Variants in CNTNAP2 observed in about 807,000 individuals in gnomAD.
CNTNAP2 encodes the protein contactin-associated protein-like 2.
A neutral mutation model predicts 155.2 loss-of-function variants in CNTNAP2; 98 were observed. The ratio of observed to expected loss-of-function variants is 0.63; its 90% confidence interval spans 0.54 to 0.75. The LOEUF is 0.75. Among genes scored for constraint, CNTNAP2 ranks in the 30% least tolerant of loss-of-function variants. The probability of loss-of-function intolerance (pLI) is 0.00; values close to 1 mark genes in which losing one functional copy is unlikely to be tolerated. For synonymous variants in CNTNAP2, 651 were observed against 631.2 expected, an observed-to-expected ratio of 1.03 and a Z score of -0.47; for missense variants, 1,727 against 1,688.1, an observed-to-expected ratio of 1.02 and a Z score of -0.40.
chr7:146,872,907 C>T (rs1291791645), intron 3 of CNTNAP2, among the ~76,000 whole-genome samples: 4 of 152,046 alleles, frequency 2.6e-5, no homozygotes, highest in African/African-American at 7.3e-5. Flanking sequence ...CAATGTTTAT[C>T]GTTATTCCAA....
Position 146,584,117 on chromosome 7 carries a change from A to G in CNTNAP2, c.98-190154A>G, listed in dbSNP as rs1209275586. ...CTAATAAATCATGAAAAGTACTAAC[A>G]TAAGGAGACTGAAATAATTTGTTAA... On this transcript the variant is annotated intron_variant, in intron 1 of 23. Coordinates refer to ENST00000361727, the MANE Select transcript of CNTNAP2 (RefSeq NM_014141.6). Among the ~76,000 whole-genome samples, 5 of 152,216 alleles carry G rather than the reference A, an allele frequency of 3.3e-5. 1 individual carries two copies. Among genetic ancestry groups the G allele is most frequent in the Non-Finnish European group, 7.3e-5 (5 of 68,036 alleles).
chr7:146,376,714 T>C (rs1284232620), intron 1 of CNTNAP2, among the ~76,000 whole-genome samples: 1 of 152,160 alleles, frequency 6.6e-6, no homozygotes, highest in East Asian at 1.9e-4. Context: ...CAAATCTCTA[T>C]TGTTGTAACC....
intron 13 of CNTNAP2, among the ~76,000 whole-genome samples, chr7:147,887,241 G>A (rs373892781): frequency 2.0e-5 from 3 of 152,218 alleles, no homozygotes; most frequent in Non-Finnish European, 4.4e-5. Flanking sequence ...GGAGGCTGAG[G>A]TGGGTGGATC....
intron 22 of CNTNAP2, among the ~76,000 whole-genome samples, chr7:148,387,617 A>AAATC (rs1799242100): frequency 6.6e-6 from 1 of 152,158 alleles, no homozygotes; most frequent in South Asian, 2.1e-4. Flanking sequence ...CATACTGACT[A>AAATC]AATCAGCATT....
intron 1 of CNTNAP2, among the ~76,000 whole-genome samples, chr7:146,301,232 T>C (rs529789582): frequency 6.6e-6 from 1 of 152,212 alleles, no homozygotes; most frequent in South Asian, 2.1e-4. Flanking sequence ...ATTTGAAACA[T>C]TGTGAAATGG....
intron 22 of CNTNAP2, among the ~76,000 whole-genome samples, chr7:148,389,205 G>T (rs1248307246): frequency 6.6e-6 from 1 of 152,174 alleles, no homozygotes; most frequent in African/African-American, 2.4e-5. Context: ...GTTTGACTAT[G>T]TCCCCACCCA....
intron 6 of CNTNAP2, among the ~76,000 whole-genome samples, chr7:147,127,649 A>T (rs1353157439): frequency 6.6e-6 from 1 of 152,192 alleles, no homozygotes; most frequent in Non-Finnish European, 1.5e-5. Flanking sequence ...AGTGAGTTCT[A>T]ACCCCAATCC....
intron 1 of CNTNAP2, among the ~76,000 whole-genome samples, chr7:146,485,377 C>T (rs774967719): frequency 6.6e-6 from 1 of 152,210 alleles, no homozygotes; most frequent in East Asian, 1.9e-4. Flanking sequence ...TGAATGTCCA[C>T]AGCAATTCTA....
chr7:147,801,917 C>A (rs1458095344), intron 13 of CNTNAP2, among the ~76,000 whole-genome samples: 1 of 151,368 alleles, frequency 6.6e-6, no homozygotes, highest in Admixed American at 6.6e-5. Context: ...AGAGGCGCCC[C>A]TCACCTCCTG....
At chr7:147,789,817 CT>C (rs1797792358) in intron 13 of CNTNAP2, among the ~76,000 whole-genome samples, 1 of 152,146 alleles carries the variant, frequency 6.6e-6, no homozygotes, top group Non-Finnish European at 1.5e-5. Context: ...ATTCCAAGTT[CT>C]TCAGCTTTTG....
At chr7:148,301,988 AAG>A (rs1797400534) in intron 21 of CNTNAP2, among the ~76,000 whole-genome samples, 1 of 152,220 alleles carries the variant, frequency 6.6e-6, no homozygotes, top group South Asian at 2.1e-4. Flanking sequence ...GCTCCTTTAC[AAG>A]ACGGAAGCAC....
intron 1 of CNTNAP2, among the ~76,000 whole-genome samples, chr7:146,560,048 C>A (rs1017656150): frequency 6.6e-6 from 1 of 152,064 alleles, no homozygotes; most frequent in Admixed American, 6.6e-5. Flanking sequence ...CTTGCAGAAA[C>A]GTAATCATTT....
At chr7:148,062,024 AGAGAGTGTGT>A (rs1410494203) in intron 15 of CNTNAP2, among the ~76,000 whole-genome samples, 9 of 136,752 alleles carry the variant, frequency 6.6e-5, no homozygotes, top group African/African-American at 2.0e-4. Context: ...AGAGAGAGAG[AGAGAGTGTGT>A]GTGTGTGTGT....
In CNTNAP2 at chr7:146,307,086, C is replaced by T. The variant is rs181924291; in HGVS notation, c.97+190113C>T. On this transcript the variant is annotated intron_variant, in intron 1 of 23. Coordinates refer to ENST00000361727, the MANE Select transcript of CNTNAP2 (RefSeq NM_014141.6). The stretch of plus-strand genomic sequence containing the variant: ...TGATTGTATATTTAGAAAACCCCAT[C>T]GTCTCAGCCCAAAATCTCCTTAAGC... 8.4e-4 allele frequency among the ~76,000 whole-genome samples: 128 copies of T among 152,228 alleles called. 1 individual carries two copies. The highest frequency in any genetic ancestry group is 2.3e-3 in the South Asian group (11 of 4,824).
At chr7:146,125,674 G>C (rs913396366) in intron 1 of CNTNAP2, among the ~76,000 whole-genome samples, 2 of 151,716 alleles carry the variant, frequency 1.3e-5, no homozygotes, top group Admixed American at 1.3e-4. Context: ...GTGCCGTGGT[G>C]GGGTATTAAC....
At chr7:146,587,542 G>A (rs1051643165) in intron 1 of CNTNAP2, among the ~76,000 whole-genome samples, 1 of 152,096 alleles carries the variant, frequency 6.6e-6, no homozygotes, top group Non-Finnish European at 1.5e-5. Flanking sequence ...TGATTTATAA[G>A]CACATATTTG....
At chr7:147,583,535 G>A (rs1419937557) in intron 12 of CNTNAP2, among the ~76,000 whole-genome samples, 5 of 113,768 alleles carry the variant, frequency 4.4e-5, no homozygotes, top group African/African-American at 1.2e-4. Context: ...TATATATAAT[G>A]TCAAACAGAT....
At position 147,625,226 on chromosome 7, in the gene CNTNAP2, G is replaced by T. The variant is rs575759382; in HGVS notation, c.1898-13880G>T. Among the ~76,000 whole-genome samples, 290 of 152,170 alleles carry T rather than the reference G, an allele frequency of 1.9e-3. 1 individual carries two copies. Among genetic ancestry groups the T allele is most frequent in the African/African-American group, 6.4e-3 (267 of 41,532 alleles). On this transcript the variant is annotated intron_variant, in intron 12 of 23. Coordinates refer to ENST00000361727, the MANE Select transcript of CNTNAP2 (RefSeq NM_014141.6). Reference sequence around the variant, plus strand: ...TACCATAGTCAATAATAACTTAATTGTACATTTTAAAATAACTAAAAAGAG... The same window carrying T: ...TACCATAGTCAATAATAACTTAATTTTACATTTTAAAATAACTAAAAAGAG...
At chr7:147,480,675 G>A (rs1323258700) in intron 10 of CNTNAP2, among the ~76,000 whole-genome samples, 2 of 152,214 alleles carry the variant, frequency 1.3e-5, no homozygotes, top group African/African-American at 4.8e-5. Context: ...TGACTGAACA[G>A]ATCGTGTTAG....
Sources: gnomAD v4.1 joint callset for allele counts (sites outside exome capture counted in the v4.1 genomes callset) on GRCh38, gnomAD v4.1.1 for gene constraint, MANE v1.5 for transcripts, NCBI Gene and HGNC (gene_info 2026-07-23, HGNC 2026-07-21) for gene names.